The following DPP10 variants were observed in gnomAD, a reference collection of about 807,000 sequenced individuals.
DPP10 encodes dipeptidyl peptidase like 10.
DPP10 carries 33 observed loss-of-function variants against 120.9 expected under a neutral mutation model. The ratio of observed to expected loss-of-function variants is 0.27; its 90% CI spans 0.21 to 0.37. The LOEUF is 0.37. DPP10 is among the 10% of genes least tolerant of loss of function. DPP10 has a pLI of 1.00. For missense variants in DPP10, 816 were observed against 942.8 expected (o/e 0.87, Z 1.76); for synonymous variants, 337 against 326.1 (o/e 1.03, Z -0.36).
intron 1 of DPP10, among the ~76,000 whole-genome samples, chr2:114,884,418 T>C (rs573437108): frequency 1.3e-5 from 2 of 152,282 alleles, no homozygotes; most frequent in South Asian, 4.1e-4. Flanking sequence ...GAGAATTCTT[T>C]TTCTTGCTTT....
intron 7 of DPP10, among the ~76,000 whole-genome samples, chr2:115,714,380 A>G (rs1018365526): frequency 6.6e-6 from 1 of 152,206 alleles, no homozygotes; most frequent in African/African-American, 2.4e-5. Context: ...TAGGATCATG[A>G]TTTTTAAATG....
intron 1 of DPP10, among the ~76,000 whole-genome samples, chr2:115,123,989 C>A (rs2049951223): frequency 6.6e-6 from 1 of 150,936 alleles, no homozygotes; most frequent in Non-Finnish European, 1.5e-5. Flanking sequence ...CTCTGTCACT[C>A]AGGCTGGAGT....
chr2:115,422,785 A>G (rs1031700537), intron 3 of DPP10, among the ~76,000 whole-genome samples: 11 of 152,158 alleles, frequency 7.2e-5, no homozygotes, highest in Non-Finnish European at 1.5e-4. Flanking sequence ...CCATGTCCCC[A>G]TGAGTTTCTC....
chr2:115,624,556 C>T (rs1357331457), intron 5 of DPP10, among the ~76,000 whole-genome samples: 1 of 152,160 alleles, frequency 6.6e-6, no homozygotes, highest in Non-Finnish European at 1.5e-5. Flanking sequence ...AGCTCAATTA[C>T]CCACTTTGCT....
intron 1 of DPP10, among the ~76,000 whole-genome samples, chr2:114,812,663 A>G (rs1007881557): frequency 1.3e-5 from 2 of 148,612 alleles, no homozygotes; most frequent in African/African-American, 5.0e-5. Context: ...CTTTGTTCTC[A>G]CCTCTGTATC....
chr2:115,739,936 G>A, intron 9 of DPP10, 43 bp downstream of exon 9: 1 of 1,595,534 alleles, frequency 6.3e-7, no homozygotes. Context: ...CTCTCTCTCT[G>A]CACTAGTGAC....
intron 3 of DPP10, among the ~76,000 whole-genome samples, chr2:115,382,323 A>C (rs2066452250): frequency 6.6e-6 from 1 of 151,760 alleles, no homozygotes; most frequent in Admixed American, 6.6e-5. Flanking sequence ...CTGATTTTCC[A>C]GGTGCCGTCT....
chr2:115,414,253 C>T (rs1390478470), intron 3 of DPP10, among the ~76,000 whole-genome samples: 2 of 152,136 alleles, frequency 1.3e-5, no homozygotes, highest in Non-Finnish European at 2.9e-5. Context: ...AATAAATGTA[C>T]TTTCAAGGCA....
chr2:115,366,854 A>G (rs1490051456), intron 3 of DPP10, among the ~76,000 whole-genome samples: 1 of 152,048 alleles, frequency 6.6e-6, no homozygotes, highest in Non-Finnish European at 1.5e-5. Flanking sequence ...TCAGCACTGA[A>G]AACAGATAGT....
At chr2:114,979,442 G>A (rs1053067334) in intron 1 of DPP10, among the ~76,000 whole-genome samples, 2 of 151,784 alleles carry the variant, frequency 1.3e-5, no homozygotes, top group Non-Finnish European at 2.9e-5. Context: ...TATTGTTTGA[G>A]TCTATTGTTT....
At chr2:115,075,587 A>G (rs1393708025) in intron 1 of DPP10, among the ~76,000 whole-genome samples, 6 of 152,332 alleles carry the variant, frequency 3.9e-5, no homozygotes, top group East Asian at 3.9e-4. Flanking sequence ...TGTGTAATCT[A>G]AAATTTAATT....
At chr2:115,307,731 A>G (rs532463736) in intron 1 of DPP10, among the ~76,000 whole-genome samples, 1 of 152,170 alleles carries the variant, frequency 6.6e-6, no homozygotes, top group South Asian at 2.1e-4. Flanking sequence ...TAACAAAGAA[A>G]CTCACCTAGA....
intron 3 of DPP10, among the ~76,000 whole-genome samples, chr2:115,448,467 C>A (rs1261240835): frequency 6.6e-6 from 1 of 152,132 alleles, no homozygotes; most frequent in Non-Finnish European, 1.5e-5. Flanking sequence ...GAGCCCCCTC[C>A]TCCCTTGAGT....
intron 1 of DPP10, among the ~76,000 whole-genome samples, chr2:114,539,994 C>T (rs1324748742): frequency 2.0e-5 from 3 of 152,092 alleles, no homozygotes; most frequent in African/African-American, 7.2e-5. Context: ...GCCTACTGGA[C>T]ATTTTCAGCA....
intron 1 of DPP10, among the ~76,000 whole-genome samples, chr2:115,205,470 G>A (rs756418280): frequency 5.3e-5 from 8 of 152,076 alleles, no homozygotes; most frequent in Non-Finnish European, 1.2e-4. Context: ...GCAGTTTGGA[G>A]GTTCCTCAGA....
At chr2:115,377,044 T>C (rs1274963618) in intron 3 of DPP10, among the ~76,000 whole-genome samples, 1 of 151,548 alleles carries the variant, frequency 6.6e-6, no homozygotes, top group African/African-American at 2.4e-5. Flanking sequence ...CAGCATGATT[T>C]ATAGTCCTTT....
intron 1 of DPP10, among the ~76,000 whole-genome samples, chr2:115,215,165 AGTGTT>A (rs1301430629): frequency 6.6e-6 from 1 of 152,194 alleles, no homozygotes; most frequent in Non-Finnish European, 1.5e-5. Flanking sequence ...TTAGAACAAA[AGTGTT>A]GGCATTATTC....
At chr2:115,132,721 C>G (rs528560967) in intron 1 of DPP10, among the ~76,000 whole-genome samples, 1 of 152,112 alleles carries the variant, frequency 6.6e-6, no homozygotes, top group African/African-American at 2.4e-5. Flanking sequence ...TTTCTAGGGT[C>G]CCCTTGGCCA....
chr2:115,326,635 A>G (rs2062381656), intron 2 of DPP10, among the ~76,000 whole-genome samples: 1 of 152,004 alleles, frequency 6.6e-6, no homozygotes, highest in African/African-American at 2.4e-5. Flanking sequence ...ATAGGATATG[A>G]AGGTGGAAGA....
Sources: allele counts gnomAD v4.1 joint callset (sites outside exome capture counted in the v4.1 genomes callset), GRCh38; gene constraint gnomAD v4.1.1; transcripts MANE v1.5; gene names NCBI Gene and HGNC (gene_info 2026-07-23, HGNC 2026-07-21).